RIMBP2: variants seen among roughly 807,000 people sequenced by gnomAD.
RIMBP2 encodes RIMS binding protein 2.
RIMBP2 carries 48 observed loss-of-function variants against 118.6 expected under a neutral mutation model. The observed-to-expected ratio is 0.40, with a 90% confidence interval of 0.32 to 0.51. The LOEUF (loss-of-function observed/expected upper bound fraction) is 0.51. Among genes scored for constraint, RIMBP2 ranks in the 20% least tolerant of loss-of-function variants. The probability of loss-of-function intolerance (pLI) is 0.41; values close to 1 mark genes in which losing one functional copy is unlikely to be tolerated. For missense variants in RIMBP2, 1,551 were observed against 1,768.3 expected (o/e 0.88, Z 2.20); for synonymous variants, 762 against 742.9 (o/e 1.03, Z -0.42).
At chr12:130,606,388 C>T (rs922420862) in intron 2 of RIMBP2, among the ~76,000 whole-genome samples, 21 of 152,220 alleles carry the variant, frequency 1.4e-4, no homozygotes, top group African/African-American at 4.8e-4. Context: ...ATGGGGTTTG[C>T]AGAGAGGCAC....
chr12:130,401,423 A>T (rs1259646829), intron 21 of RIMBP2, among the ~76,000 whole-genome samples: 1 of 152,026 alleles, frequency 6.6e-6, no homozygotes, highest in East Asian at 1.9e-4. Flanking sequence ...CCAATTTTAG[A>T]TAAATTTTAT....
At chr12:130,604,582 C>CTTTTTTTTTT (rs777097560) in intron 2 of RIMBP2, among the ~76,000 whole-genome samples, 7,033 of 66,390 alleles carry the variant, frequency 0.11, 1,800 homozygotes, top group East Asian at 0.16. Context: ...TGCCCCTTTT[C>CTTTTTTTTTT]TTTCTTTTTT....
In RIMBP2 at chr12:130,683,683, C is replaced by G. The variant is rs1035508673; in HGVS notation, c.-352+32539G>C. Among the ~76,000 whole-genome samples, 2 of 152,212 alleles carry G rather than the reference C, an allele frequency of 1.3e-5. No individual in the cohort carries two copies. Among genetic ancestry groups the G allele is most frequent in the Non-Finnish European group, 2.9e-5 (2 of 68,046 alleles). On this transcript the variant is annotated intron_variant, in intron 1 of 22. Transcript: ENST00000690449. This position sits in a 1 kb window ranked among gnomAD's most constrained non-coding sequence, Gnocchi z 4.4. ...AATCCCACCAAAACCAAGATGACCA[C>G]AAGAGTGATCTCTGGTCATCCTCAT... is the stretch of plus-strand genomic sequence containing the variant.
chr12:130,648,018 T>G (rs979127916), intron 1 of RIMBP2, among the ~76,000 whole-genome samples: 4 of 146,378 alleles, frequency 2.7e-5, no homozygotes, highest in Admixed American at 2.7e-4. Context: ...TGCACACACA[T>G]GTGAACACAC....
chr12:130,462,936 C>T (rs2137671740), intron 6 of RIMBP2, among the ~76,000 whole-genome samples: 1 of 152,326 alleles, frequency 6.6e-6, no homozygotes, highest in East Asian at 1.9e-4. Context: ...AAATTCCTAC[C>T]AAGGAGAACC....
intron 1 of RIMBP2, among the ~76,000 whole-genome samples, chr12:130,640,255 G>T (rs2062558121): frequency 6.6e-6 from 1 of 152,156 alleles, no homozygotes; most frequent in Admixed American, 6.5e-5. Flanking sequence ...GCGATGCTTT[G>T]CATTTAATTA....
In RIMBP2 at chr12:130,438,347, C is replaced by CCCCCCACCAAAAAAAA; in HGVS notation, c.1656+17_1656+18insTTTTTTTTGGTGGGGG. On this transcript the variant is annotated intron_variant, in intron 12 of 22. Transcript: ENST00000690449. ...TAGGGCCTAACAAACCCTCCCCACC[C>CCCCCCACCAAAAAAAA]ACCCAACGAAAACTCACCCTCTGCC... The CCCCCCACCAAAAAAAA allele has an allele frequency of 6.5e-7, 1 of 1,527,308 alleles. No individual in the cohort carries two copies. Among genetic ancestry groups the CCCCCCACCAAAAAAAA allele is most frequent in the Non-Finnish European group, 9.1e-7 (1 of 1,101,046 alleles). 94.6% of individuals were successfully genotyped at this position (1,527,308 alleles called of 1,614,324 possible).
intron 4 of RIMBP2, among the ~76,000 whole-genome samples, chr12:130,499,483 C>A (rs1255111579): frequency 6.6e-6 from 1 of 152,188 alleles, no homozygotes; most frequent in African/African-American, 2.4e-5. Context: ...AAGGAAAGAG[C>A]CAAAGTCCTT....
At position 130,522,588 on chromosome 12, in the gene RIMBP2, G is replaced by A. The variant is rs572751108; in HGVS notation, c.-216-4671C>T. Among the ~76,000 whole-genome samples, 13 of 152,320 alleles carry A rather than the reference G, an allele frequency of 8.5e-5. No homozygotes were observed. The East Asian group carries it at 1.4e-3, about 16-fold the overall frequency. On this transcript the variant is annotated intron_variant, in intron 2 of 22. Coordinates refer to ENST00000690449, the MANE Select transcript of RIMBP2 (RefSeq NM_001393629.1). ...TCCCAAAATAGACACATCTACAGGC[G>A]GAATTCGACTTCAAGGCGGGGCGCT...
intron 2 of RIMBP2, among the ~76,000 whole-genome samples, chr12:130,535,410 A>G (rs1314239156): frequency 6.6e-6 from 1 of 152,050 alleles, no homozygotes; most frequent in African/African-American, 2.4e-5. Context: ...AGTACCCAAG[A>G]GGCTGAGGCA....
intron 2 of RIMBP2, among the ~76,000 whole-genome samples, chr12:130,625,191 A>G (rs189135686): frequency 1.3e-5 from 2 of 152,350 alleles, no homozygotes; most frequent in African/African-American, 4.8e-5. Context: ...TCTTGCAGCA[A>G]TTTTGAAATG....
In RIMBP2 at chr12:130,446,018, C is replaced by CT. The variant is rs1491580140; in HGVS notation, c.582-750dup. Among the ~76,000 whole-genome samples the CT allele has an allele frequency of 3.9e-4, 5 of 12,666 alleles. No homozygotes were observed. Among genetic ancestry groups the CT allele is most frequent in the African/African-American group, 1.1e-3 (5 of 4,746 alleles). The allele number at this position is 12,666 out of a possible 152,430, so 8.3% of individuals were successfully genotyped here. A position where few individuals can be genotyped will look rare whatever the true frequency, so the allele number is the denominator to read the frequency against. On this transcript the variant is annotated intron_variant, in intron 9 of 22. Coordinates refer to ENST00000690449, the MANE Select transcript of RIMBP2 (RefSeq NM_001393629.1). The surrounding 1 kb of genome is among the most constrained non-coding windows in gnomAD (Gnocchi z 4.1). The stretch of plus-strand genomic sequence containing the variant: ...AGAAAAACAGACGCATGATTTTATG[C>CT]TCCCCCCCCCCACACCCCCAGGAAT...
At chr12:130,480,149 T>C (rs552946151) in intron 4 of RIMBP2, among the ~76,000 whole-genome samples, 8 of 151,234 alleles carry the variant, frequency 5.3e-5, no homozygotes, top group African/African-American at 2.0e-4. Context: ...TCCTGGGGGC[T>C]TGGAAAACCA....
intron 1 of RIMBP2, among the ~76,000 whole-genome samples, chr12:130,714,663 C>T (rs1027235108): frequency 1.3e-5 from 2 of 152,328 alleles, no homozygotes; most frequent in African/African-American, 2.4e-5. Context: ...CATATGGCCA[C>T]GGCACAGCCC....
chr12:130,626,913 C>A (rs2061674594), intron 2 of RIMBP2, among the ~76,000 whole-genome samples: 1 of 151,730 alleles, frequency 6.6e-6, no homozygotes, highest in Admixed American at 6.6e-5. Context: ...CCATCTTCTC[C>A]ATCACGACTA....
At chr12:130,691,714 C>G (rs961888054) in intron 1 of RIMBP2, among the ~76,000 whole-genome samples, 4 of 152,176 alleles carry the variant, frequency 2.6e-5, no homozygotes, top group Non-Finnish European at 5.9e-5. Flanking sequence ...CCACCCAGCT[C>G]TTGGGGGAGA....
chr12:130,696,298 C>T (rs974087334), intron 1 of RIMBP2, among the ~76,000 whole-genome samples: 8 of 152,176 alleles, frequency 5.3e-5, no homozygotes, highest in East Asian at 3.9e-4. Flanking sequence ...AGGAAGAGGC[C>T]GCTGATGGGA....
intron 2 of RIMBP2, among the ~76,000 whole-genome samples, chr12:130,619,654 G>A (rs897284779): frequency 1.6e-4 from 23 of 148,092 alleles, no homozygotes; most frequent in East Asian, 4.1e-4. Flanking sequence ...ATCTAGCCAC[G>A]GTGTGTCGTC....
chr12:130,611,805 T>C (rs1192492782), intron 2 of RIMBP2, among the ~76,000 whole-genome samples: 1 of 152,074 alleles, frequency 6.6e-6, no homozygotes, highest in African/African-American at 2.4e-5. Context: ...TGTCGACCCA[T>C]GAAACCCATG....
Sources: allele counts gnomAD v4.1 joint callset (sites outside exome capture counted in the v4.1 genomes callset), GRCh38; gene constraint gnomAD v4.1.1; non-coding constraint Gnocchi (gnomAD v3.1); transcripts MANE v1.5; gene names NCBI Gene and HGNC (gene_info 2026-07-23, HGNC 2026-07-21).